Variants in SLC35F1 observed in about 807,000 individuals in gnomAD.
SLC35F1 encodes the protein solute carrier family 35 member F1.
A neutral mutation model predicts 48.7 loss-of-function variants in SLC35F1; 14 were observed. That is an observed-to-expected ratio of 0.29 (90% confidence interval 0.19 to 0.45). SLC35F1 has a LOEUF of 0.45. Ranked by LOEUF, SLC35F1 falls within the 20% of genes least tolerant of loss-of-function variation. SLC35F1 has a pLI of 1.00. For missense variants in SLC35F1, 404 were observed against 500.0 expected (o/e 0.81, Z 1.83); for synonymous variants, 190 against 202.2 (o/e 0.94, Z 0.51).
At chr6:118,024,259 A>G (rs944055853) in intron 1 of SLC35F1, among the ~76,000 whole-genome samples, 1 of 152,222 alleles carries the variant, frequency 6.6e-6, no homozygotes, top group African/African-American at 2.4e-5. Context: ...ACTTCCCGTC[A>G]TAAGAAACAA....
intron 3 of SLC35F1, among the ~76,000 whole-genome samples, chr6:118,244,481 G>C (rs1450683518): frequency 6.6e-6 from 1 of 152,260 alleles, no homozygotes; most frequent in Non-Finnish European, 1.5e-5. Context: ...AGATTAAGGG[G>C]TGACTTATGC....
chr6:118,001,181 A>G (rs1057269540), intron 1 of SLC35F1, among the ~76,000 whole-genome samples: 12 of 152,192 alleles, frequency 7.9e-5, no homozygotes, highest in East Asian at 3.8e-4. Flanking sequence ...GAGGCATCAC[A>G]CTACCTGACT....
chr6:118,059,891 G>T (rs1772513963), intron 1 of SLC35F1, among the ~76,000 whole-genome samples: 2 of 152,182 alleles, frequency 1.3e-5, no homozygotes, highest in African/African-American at 4.8e-5. Flanking sequence ...TTTTATAGAG[G>T]TAGGAGAAGA....
intron 1 of SLC35F1, among the ~76,000 whole-genome samples, chr6:118,073,072 G>T (rs1772762143): frequency 6.6e-6 from 1 of 152,094 alleles, no homozygotes. Context: ...TCTACTGTTT[G>T]CCCAGTTATT....
At chr6:118,168,346 G>A (rs1472158874) in intron 2 of SLC35F1, among the ~76,000 whole-genome samples, 1 of 151,944 alleles carries the variant, frequency 6.6e-6, no homozygotes, top group Non-Finnish European at 1.5e-5. Context: ...ACAGCATATA[G>A]TAGAGAACCT....
intron 1 of SLC35F1, among the ~76,000 whole-genome samples, chr6:118,036,839 G>T (rs1772139934): frequency 6.6e-6 from 1 of 152,186 alleles, no homozygotes; most frequent in African/African-American, 2.4e-5. Context: ...GGGATTACAG[G>T]TGTAAGCCAC....
chr6:118,280,121 GTTTTT>G, intron 6 of SLC35F1, among the ~76,000 whole-genome samples: 1 of 152,214 alleles, frequency 6.6e-6, no homozygotes, highest in Admixed American at 6.5e-5. Context: ...ATTGTTGTTT[GTTTTT>G]ATTCCATTGT....
chr6:118,022,970 T>G (rs7749468), intron 1 of SLC35F1, among the ~76,000 whole-genome samples: 147,723 of 152,078 alleles, frequency 0.97, 71,812 homozygotes, highest in Non-Finnish European at 0.99. Flanking sequence ...GTGTTAGCCA[T>G]GATGGTCTCG....
At chr6:118,155,123 A>G (rs781360424) in intron 2 of SLC35F1, among the ~76,000 whole-genome samples, 5 of 152,238 alleles carry the variant, frequency 3.3e-5, no homozygotes, top group Non-Finnish European at 5.9e-5. Flanking sequence ...GAGATGTGAA[A>G]TTATTTTAAA....
intron 2 of SLC35F1, among the ~76,000 whole-genome samples, chr6:118,213,721 CAACT>C (rs1218708027): frequency 6.6e-6 from 1 of 151,960 alleles, no homozygotes; most frequent in African/African-American, 2.4e-5. Flanking sequence ...ATATATAGAT[CAACT>C]AGAGTATGAT....
intron 1 of SLC35F1, among the ~76,000 whole-genome samples, chr6:117,949,430 G>A (rs542078119): frequency 7.9e-5 from 12 of 152,082 alleles, no homozygotes; most frequent in African/African-American, 2.9e-4. Flanking sequence ...TATCCAATTT[G>A]ACAAGCACTT....
intron 2 of SLC35F1, among the ~76,000 whole-genome samples, chr6:118,176,169 C>A (rs796677163): frequency 2.6e-5 from 4 of 152,160 alleles, no homozygotes; most frequent in African/African-American, 9.6e-5. Flanking sequence ...TTGAACTGTT[C>A]TTTTATTAGA....
Position 118,025,977 on chromosome 6 carries a change from C to T in SLC35F1, c.173+118078C>T, listed in dbSNP as rs569904159. Among the ~76,000 whole-genome samples, 79 of 152,190 alleles carry T rather than the reference C, an allele frequency of 5.2e-4. 3 individuals carry two copies. The highest frequency in any genetic ancestry group is 8.5e-4 in the Admixed American group (13 of 15,274). On this transcript the variant is annotated intron_variant, in intron 1 of 7. Coordinates refer to ENST00000360388, the MANE Select transcript of SLC35F1 (RefSeq NM_001029858.4). Reference sequence around the variant, plus strand: ...GAGCAAATTTAATATTCATTCAACACATGCTTTTGGGTACCTATTACTTCA... The same window carrying T: ...GAGCAAATTTAATATTCATTCAACATATGCTTTTGGGTACCTATTACTTCA...
At chr6:117,973,039 C>G (rs760482489) in intron 1 of SLC35F1, among the ~76,000 whole-genome samples, 5 of 152,162 alleles carry the variant, frequency 3.3e-5, no homozygotes, top group Non-Finnish European at 5.9e-5. Flanking sequence ...ATCCCACAGA[C>G]TAGGAGGCTT....
chr6:117,997,718 A>G (rs1188476326), intron 1 of SLC35F1, among the ~76,000 whole-genome samples: 1 of 152,224 alleles, frequency 6.6e-6, no homozygotes, highest in East Asian at 1.9e-4. Context: ...ACAGACAAGC[A>G]AATGCTGAGA....
At chr6:118,066,777 G>A (rs572088201) in intron 1 of SLC35F1, among the ~76,000 whole-genome samples, 7 of 135,798 alleles carry the variant, frequency 5.2e-5, no homozygotes, top group Non-Finnish European at 9.2e-5. Context: ...ACAGAGTCTC[G>A]CTCTGTCACC....
chr6:118,216,906 C>A (rs12202829), intron 2 of SLC35F1, among the ~76,000 whole-genome samples: 44,290 of 151,982 alleles, frequency 0.29, 7,488 homozygotes, highest in East Asian at 0.62. Context: ...TTCATACTCA[C>A]CCCTTTTCAC....
At chr6:118,296,960 GAA>G (rs146456500) in intron 7 of SLC35F1, among the ~76,000 whole-genome samples, 21,931 of 152,112 alleles carry the variant, frequency 0.14, 2,020 homozygotes, top group Non-Finnish European at 0.21. Context: ...CAAACTCATA[GAA>G]ATCAGAGTAT....
intron 1 of SLC35F1, among the ~76,000 whole-genome samples, chr6:118,137,940 A>G (rs1441728416): frequency 1.3e-5 from 2 of 152,106 alleles, no homozygotes; most frequent in Non-Finnish European, 2.9e-5. Flanking sequence ...CAAAAGGGAT[A>G]CTTCTGGGAG....
Sources: gnomAD v4.1 joint callset for allele counts (sites outside exome capture counted in the v4.1 genomes callset) on GRCh38, gnomAD v4.1.1 for gene constraint, MANE v1.5 for transcripts, NCBI Gene and HGNC (gene_info 2026-07-23, HGNC 2026-07-21) for gene names.